ALMS1: variants seen among roughly 807,000 people sequenced by gnomAD.
The protein encoded by ALMS1 is ALMS1 centrosome and basal body associated protein.
In ALMS1, 271 loss-of-function variants were observed where a neutral mutation model predicts 352.2. The ratio of observed to expected loss-of-function variants is 0.77; its 90% CI spans 0.70 to 0.85. The LOEUF (loss-of-function observed/expected upper bound fraction) is 0.85, where lower values mean the gene tolerates loss of function less well. Among genes scored for constraint, ALMS1 ranks in the 40% least tolerant of loss-of-function variants. The pLI is 0.00. For missense variants in ALMS1, 5,445 were observed against 4,870.7 expected, an observed-to-expected ratio of 1.12 and a Z score of -3.51; for synonymous variants, 1,865 against 1,761.2, an observed-to-expected ratio of 1.06 and a Z score of -1.48.
chr2:73,573,091 G>T lies in ALMS1; in HGVS notation c.11214G>T (p.Arg3738=), dbSNP rs2104107028. 2 of 1,613,992 alleles carry T rather than the reference G, an allele frequency of 1.2e-6. No individual in the cohort carries two copies. Among genetic ancestry groups the T allele is most frequent in the Non-Finnish European group, 1.7e-6 (2 of 1,179,982 alleles). ...NYISNTSSDC[R]PSEESELLTD... is the part of the protein sequence containing the mutation. The stretch of plus-strand genomic sequence containing the variant: ...TAAGCAACACTTCTTCGGATTGTCG[G>T]CCCTCAGAGGAGAGTGAGCTGCTCA... The change falls in exon 16 of 23, where the codon CGG becomes CGT. Residue 3738 remains arginine, a synonymous_variant. Coordinates refer to ENST00000613296, the MANE Select transcript of ALMS1 (RefSeq NM_001378454.1).
At chr2:73,492,750 A>G (rs557761416) in intron 10 of ALMS1, among the ~76,000 whole-genome samples, 3 of 152,142 alleles carry the variant, frequency 2.0e-5, no homozygotes, top group South Asian at 4.2e-4. Flanking sequence ...TACCTTTAAA[A>G]TTTTTTTCTT....
At chr2:73,391,656 C>T (rs542968700) in intron 1 of ALMS1, among the ~76,000 whole-genome samples, 3 of 152,046 alleles carry the variant, frequency 2.0e-5, no homozygotes, top group South Asian at 2.1e-4. Context: ...ACTATTTAGT[C>T]GTAGTGTGCT....
At chr2:73,479,951 T>G (rs570454144) in intron 9 of ALMS1, among the ~76,000 whole-genome samples, 1 of 152,196 alleles carries the variant, frequency 6.6e-6, no homozygotes, top group Admixed American at 6.5e-5. Flanking sequence ...GTTTTTAATG[T>G]GTATTTCCCT....
intron 1 of ALMS1, among the ~76,000 whole-genome samples, chr2:73,399,195 G>A (rs1221646072): frequency 1.3e-5 from 2 of 152,170 alleles, no homozygotes; most frequent in Non-Finnish European, 2.9e-5. Flanking sequence ...TGCAAACAGA[G>A]TTTTATTTCC....
chr2:73,521,618 C>T (rs1271631449), intron 11 of ALMS1, among the ~76,000 whole-genome samples: 8 of 146,420 alleles, frequency 5.5e-5, no homozygotes, highest in East Asian at 2.0e-4. Flanking sequence ...GACACTGTGG[C>T]GGGTGCCTGT....
At chr2:73,456,350 A>C (rs983793906) in intron 9 of ALMS1, among the ~76,000 whole-genome samples, 7 of 152,190 alleles carry the variant, frequency 4.6e-5, no homozygotes, top group Non-Finnish European at 5.9e-5. Flanking sequence ...ACTGTACAGT[A>C]TTCCAGTGTG....
At chr2:73,507,772 T>C (rs1673361729) in intron 10 of ALMS1, among the ~76,000 whole-genome samples, 2 of 152,184 alleles carry the variant, frequency 1.3e-5, no homozygotes, top group Non-Finnish European at 1.5e-5. Context: ...GTGTCTCTAT[T>C]TCCTTCAGTT....
chr2:73,460,890 GA>G (rs1189707487), intron 9 of ALMS1, among the ~76,000 whole-genome samples: 5 of 152,238 alleles, frequency 3.3e-5, no homozygotes, highest in African/African-American at 1.2e-4. Flanking sequence ...GAGGCTGGGG[GA>G]GGGGCGCCTG....
intron 12 of ALMS1, among the ~76,000 whole-genome samples, chr2:73,542,109 A>G (rs1674197343): frequency 6.6e-6 from 1 of 152,362 alleles, no homozygotes; most frequent in South Asian, 2.1e-4. Flanking sequence ...CATTGATGCA[A>G]AAATCCTCAA....
At chr2:73,600,036 A>G (rs2104191049) in intron 17 of ALMS1, among the ~76,000 whole-genome samples, 1 of 152,362 alleles carries the variant, frequency 6.6e-6, no homozygotes, top group South Asian at 2.1e-4. Flanking sequence ...CTGTACTAAC[A>G]TGGAAAGATT....
intron 10 of ALMS1, among the ~76,000 whole-genome samples, chr2:73,508,207 C>CTTTTT (rs562118895): frequency 1.9e-5 from 2 of 108,066 alleles, no homozygotes; most frequent in African/African-American, 7.0e-5. Flanking sequence ...TCTTCTTCTT[C>CTTTTT]TTTTTTTTTT....
intron 6 of ALMS1, among the ~76,000 whole-genome samples, chr2:73,426,985 A>C (rs1671394130): frequency 6.6e-6 from 1 of 152,196 alleles, no homozygotes; most frequent in Non-Finnish European, 1.5e-5. Flanking sequence ...GGTTGGTATA[A>C]AAGAAATGTT....
intron 1 of ALMS1, among the ~76,000 whole-genome samples, chr2:73,396,695 G>C (rs1386994093): frequency 6.7e-6 from 1 of 150,296 alleles, no homozygotes; most frequent in Non-Finnish European, 1.5e-5. Context: ...ACAGGCTGGG[G>C]GTGCAGTGGC....
chr2:73,386,200 G>C lies in ALMS1; in HGVS notation c.324+8G>C, dbSNP rs1229063043. ...CGGACCTCCCTGGAGAAGGTGAGGC[G>C]GGCCGGGGAGGGGTGTGGAGCCGCG... is the stretch of plus-strand genomic sequence containing the variant. On this transcript the variant is annotated splice_region_variant and intron_variant, in intron 1 of 22. Coordinates refer to ENST00000613296, the MANE Select transcript of ALMS1 (RefSeq NM_001378454.1). 1 of 1,525,024 alleles carries C rather than the reference G, an allele frequency of 6.6e-7. No homozygotes were observed. Among genetic ancestry groups the C allele is most frequent in the African/African-American group, 1.4e-5 (1 of 71,932 alleles). 94.5% of individuals were successfully genotyped at this position (1,525,024 alleles called of 1,614,324 possible). A position where few individuals can be genotyped will look rare whatever the true frequency, so the allele number is the denominator to read the frequency against.
rs192201207 is a variant in ALMS1, at chr2:73,466,395, A to T, written c.7674+11100A>T. On this transcript the variant is annotated intron_variant, in intron 9 of 22. Coordinates refer to ENST00000613296, the MANE Select transcript of ALMS1 (RefSeq NM_001378454.1). ...AAGCTATCTCAAGGACAAAAAACCA[A>T]ACACCACATGTTCTCACTCATAGGT... Among the ~76,000 whole-genome samples, 196 of 150,812 alleles carry T rather than the reference A, an allele frequency of 1.3e-3. 2 individuals are homozygous for T. Among genetic ancestry groups the T allele is most frequent in the African/African-American group, 4.6e-3 (188 of 40,990 alleles).
intron 9 of ALMS1, chr2:73,470,128 G>C (rs1297481871): frequency 2.0e-5 from 3 of 151,552 alleles, no homozygotes; most frequent in Non-Finnish European, 4.4e-5. Flanking sequence ...TGTTAACATT[G>C]TTTTTACCTT....
intron 7 of ALMS1, among the ~76,000 whole-genome samples, chr2:73,443,580 CT>C (rs140230709): frequency 0.08 from 12,119 of 151,948 alleles, 1,228 homozygotes; most frequent in African/African-American, 0.23. Flanking sequence ...TTAGTAATTG[CT>C]TTTTTTTACT....
At chr2:73,557,786 A>T (rs1674576278) in intron 14 of ALMS1, among the ~76,000 whole-genome samples, 1 of 152,224 alleles carries the variant, frequency 6.6e-6, no homozygotes, top group Non-Finnish European at 1.5e-5. Flanking sequence ...GATTTAAATA[A>T]CCCTAATAGT....
At chr2:73,541,342 A>T (rs1319810918) in intron 12 of ALMS1, among the ~76,000 whole-genome samples, 1 of 152,254 alleles carries the variant, frequency 6.6e-6, no homozygotes. Context: ...AAGATACAAC[A>T]TACCACAATC....
Sources: gnomAD v4.1 joint callset for allele counts (sites outside exome capture counted in the v4.1 genomes callset) on GRCh38, gnomAD v4.1.1 for gene constraint, MANE v1.5 for transcripts, NCBI Gene and HGNC (gene_info 2026-07-23, HGNC 2026-07-21) for gene names.